CAMK2A: variants seen among roughly 807,000 people sequenced by gnomAD.
CAMK2A encodes calcium/calmodulin-dependent protein kinase type II subunit alpha.
Under a neutral mutation model 79.2 loss-of-function variants are expected in CAMK2A, and 7 were observed. The ratio of observed to expected loss-of-function variants is 0.09; its 90% CI spans 0.05 to 0.17. The LOEUF (loss-of-function observed/expected upper bound fraction) is 0.17, where lower values mean the gene tolerates loss of function less well. Ranked by LOEUF, CAMK2A falls within the 10% of genes least tolerant of loss-of-function variation. The pLI, the probability that CAMK2A is intolerant of heterozygous loss-of-function variation, is 1.00. For synonymous variants in CAMK2A, 242 were observed against 251.7 expected (o/e 0.96, Z 0.36); for missense variants, 214 against 646.4 (o/e 0.33, Z 7.25).
chr5:150,232,594 T>G (rs1387590181), intron 15 of CAMK2A, among the ~76,000 whole-genome samples: 1 of 152,216 alleles, frequency 6.6e-6, no homozygotes, highest in Non-Finnish European at 1.5e-5. Flanking sequence ...AGGCTTAAGC[T>G]TGGCTTTAAA....
chr5:150,258,823 G>A (rs1756175875), intron 3 of CAMK2A, among the ~76,000 whole-genome samples: 1 of 152,234 alleles, frequency 6.6e-6, no homozygotes, highest in Non-Finnish European at 1.5e-5. Flanking sequence ...ATACCCCAGA[G>A]CTGATGCCAG....
chr5:150,279,104 G>A (rs1206636692), intron 1 of CAMK2A, among the ~76,000 whole-genome samples: 1 of 152,134 alleles, frequency 6.6e-6, no homozygotes, highest in African/African-American at 2.4e-5. Context: ...CAGCTCTCGT[G>A]TTTCATACCA....
rs1445590831 is a variant in CAMK2A at position 150,256,136 on chromosome 5, T to A, written c.411+437A>T. Among the ~76,000 whole-genome samples, 2 of 152,212 alleles carry A rather than the reference T, an allele frequency of 1.3e-5. No homozygotes were observed. The highest frequency in any genetic ancestry group is 2.9e-5 in the Non-Finnish European group (2 of 68,034). ...TGCATCTGTATACCAGGCCCCGTGC[T>A]ATCTCATTTCATATCCTCACCAACC... On this transcript the variant is annotated intron_variant, in intron 6 of 18. Coordinates refer to ENST00000671881, the MANE Select transcript of CAMK2A (RefSeq NM_015981.4). This position sits in a 1 kb window ranked among gnomAD's most constrained non-coding sequence, Gnocchi z 4.6.
chr5:150,244,040 A>G (rs1413959540), intron 13 of CAMK2A, among the ~76,000 whole-genome samples: 1 of 152,216 alleles, frequency 6.6e-6, no homozygotes, highest in East Asian at 1.9e-4. Context: ...ACTAATAACC[A>G]AATAATTATG....
intron 15 of CAMK2A, among the ~76,000 whole-genome samples, chr5:150,237,123 T>C (rs900810595): frequency 1.3e-5 from 2 of 152,088 alleles, no homozygotes; most frequent in Admixed American, 6.5e-5. Flanking sequence ...ACCGCCCAGG[T>C]TGGGAATGAC....
At position 150,222,586 on chromosome 5, in the gene CAMK2A, G is replaced by A. The variant is rs1449251355; in HGVS notation, c.*124C>T. On this transcript the variant is annotated 3_prime_UTR_variant, in exon 19 of 19. Coordinates refer to ENST00000671881, the MANE Select transcript of CAMK2A (RefSeq NM_015981.4). Reference sequence around the variant, plus strand: ...GTTTTCTTGATGCAGGTACAGAAGTGACGGTGGTGGGGTGATGACATGGGA... The same window carrying A: ...GTTTTCTTGATGCAGGTACAGAAGTAACGGTGGTGGGGTGATGACATGGGA... The A allele has an allele frequency of 2.8e-6, 3 of 1,054,120 alleles. No homozygotes were observed. In the East Asian group the frequency reaches 7.2e-5, roughly 25 times the overall value. 65.3% of individuals were successfully genotyped at this position (1,054,120 alleles called of 1,614,324 possible).
chr5:150,240,557 G>A (rs1204928005), intron 13 of CAMK2A, among the ~76,000 whole-genome samples: 1 of 152,202 alleles, frequency 6.6e-6, no homozygotes, highest in South Asian at 2.1e-4. Context: ...ACGGTACCAA[G>A]AGAAGGAGAG....
chr5:150,257,370 A>G (rs1756102521), intron 4 of CAMK2A, among the ~76,000 whole-genome samples, 193 bp downstream of exon 4: 2 of 152,258 alleles, frequency 1.3e-5, no homozygotes. Context: ...GCAAAAATAA[A>G]TATAGGATGA....
chr5:150,226,602 T>A (rs574163953), intron 17 of CAMK2A, among the ~76,000 whole-genome samples: 12 of 151,282 alleles, frequency 7.9e-5, no homozygotes, highest in Admixed American at 2.0e-4. Context: ...CCGGGTGTGT[T>A]GGCGGGCACC....
intron 1 of CAMK2A, among the ~76,000 whole-genome samples, chr5:150,287,961 G>GTGTGTA: frequency 6.6e-6 from 1 of 151,700 alleles, no homozygotes; most frequent in Non-Finnish European, 1.5e-5. Context: ...GTGTGTGTGT[G>GTGTGTA]TGTGTGTGTG....
At chr5:150,237,277 C>T (rs545190145) in intron 15 of CAMK2A, among the ~76,000 whole-genome samples, 1 of 152,268 alleles carries the variant, frequency 6.6e-6, no homozygotes, top group South Asian at 2.1e-4. Flanking sequence ...ATACAATGCT[C>T]TTTTTCCCAT....
Position 150,221,882 on chromosome 5 carries a change from C to T in CAMK2A, c.*828G>A. On this transcript the variant is annotated 3_prime_UTR_variant, in exon 19 of 19. Transcript: ENST00000671881. ...CATAAATATCCATTAACGCGAAATC[C>T]ATTTACGAAATACACAGAAATTTGG... 3.0e-6 allele frequency: 1 copy of T among 331,840 alleles called. No homozygotes were observed. Among genetic ancestry groups the T allele is most frequent in the South Asian group, 1.5e-4 (1 of 6,592 alleles). 20.6% of individuals were successfully genotyped at this position (331,840 alleles called of 1,614,324 possible).
intron 11 of CAMK2A, 95 bp downstream of exon 11, chr5:150,250,131 A>T: frequency 1.1e-6 from 1 of 904,456 alleles, no homozygotes. Context: ...TGAATCAATG[A>T]AGGAAAGAAT....
chr5:150,283,264 A>G (rs1214464397), intron 1 of CAMK2A, among the ~76,000 whole-genome samples: 2 of 152,172 alleles, frequency 1.3e-5, no homozygotes. Flanking sequence ...CAGGGCTGAC[A>G]TGCTCCACTG....
chr5:150,280,992 C>T (rs1757191175), intron 1 of CAMK2A, among the ~76,000 whole-genome samples: 1 of 152,190 alleles, frequency 6.6e-6, no homozygotes, highest in Admixed American at 6.5e-5. Context: ...GCAAAGGATG[C>T]GTAGTCATCA....
At chr5:150,229,668 G>T (rs545152772) in intron 16 of CAMK2A, among the ~76,000 whole-genome samples, 115 of 152,310 alleles carry the variant, frequency 7.6e-4, no homozygotes, top group African/African-American at 2.7e-3. Flanking sequence ...GGAGCTTGGG[G>T]ACCACAGGGG....
At position 150,253,507 on chromosome 5, in the gene CAMK2A, C is replaced by T. The variant is rs986491632; in HGVS notation, c.451G>A (p.Ala151Thr). 3 of 1,614,196 alleles carry T rather than the reference C, an allele frequency of 1.9e-6. No individual in the cohort carries two copies. Among genetic ancestry groups the T allele is most frequent in the South Asian group, 1.1e-5 (1 of 91,086 alleles). ...LLLASKLKGA[A>T]VKLADFGLAI... is the part of the protein sequence containing the mutation. ...AGGCCAAAGTCTGCCAGCTTCACTGCGGCACCCTTGAGCTTGGAGGCCAGC... is the reference window on the plus strand; with the variant it reads ...AGGCCAAAGTCTGCCAGCTTCACTGTGGCACCCTTGAGCTTGGAGGCCAGC... Residue 151 changes from alanine (A) to threonine (T), a missense_variant, in exon 7 of 19, where the codon GCA (alanine) becomes ACA (threonine). Transcript: ENST00000671881.
Position 150,250,660 on chromosome 5 carries a change from G to C in CAMK2A, c.816+28C>G, listed in dbSNP as rs745785576. On this transcript the variant is annotated intron_variant, in intron 10 of 18. Coordinates refer to ENST00000671881, the MANE Select transcript of CAMK2A (RefSeq NM_015981.4). ...GATCATGAGGTCTGGAGGGGCTCCT[G>C]GGAGAAGTCCTGCTGAGGAAGGCTC... 1.9e-6 allele frequency: 3 copies of C among 1,613,388 alleles called. No homozygotes were observed. In the East Asian group the frequency reaches 6.7e-5, roughly 36 times the overall value.
At chr5:150,247,746 G>T (rs766325004) in intron 12 of CAMK2A, 26 bp downstream of exon 12, 1 of 1,598,894 alleles carries the variant, frequency 6.3e-7, no homozygotes, top group South Asian at 1.1e-5. Flanking sequence ...AGGGCTTACT[G>T]GGGACCCTGA....
Sources: allele counts gnomAD v4.1 joint callset (sites outside exome capture counted in the v4.1 genomes callset), GRCh38; gene constraint gnomAD v4.1.1; non-coding constraint Gnocchi (gnomAD v3.1); transcripts MANE v1.5; gene names NCBI Gene and HGNC (gene_info 2026-07-23, HGNC 2026-07-21).